UAP1: variants seen among roughly 807,000 people sequenced by gnomAD.
The protein encoded by UAP1 is UDP-N-acetylhexosamine pyrophosphorylase.
UAP1 carries 25 observed loss-of-function variants against 58.5 expected under a neutral mutation model. The ratio of observed to expected loss-of-function variants is 0.43; its 90% confidence interval spans 0.31 to 0.60. The LOEUF (loss-of-function observed/expected upper bound fraction) is 0.60. Among genes scored for constraint, UAP1 ranks in the 20% least tolerant of loss-of-function variants. The pLI is 0.11. For synonymous variants in UAP1, 208 were observed against 213.0 expected (o/e 0.98, Z 0.21); for missense variants, 575 against 630.0 (o/e 0.91, Z 0.93).
At chr1:162,574,225 TG>T (rs1293937620) in intron 2 of UAP1, among the ~76,000 whole-genome samples, 1 of 151,736 alleles carries the variant, frequency 6.6e-6, no homozygotes, top group Non-Finnish European at 1.5e-5. Flanking sequence ...CCTGAGCAGC[TG>T]GGATTACAGG....
chr1:162,572,349 G>T (rs970706842), intron 2 of UAP1, among the ~76,000 whole-genome samples: 39 of 152,212 alleles, frequency 2.6e-4, no homozygotes, highest in Admixed American at 2.4e-3. Context: ...CTAAGGAAGA[G>T]AAAAGTTTAT....
chr1:162,568,451 G>T (rs1653660501), intron 2 of UAP1, among the ~76,000 whole-genome samples: 1 of 152,190 alleles, frequency 6.6e-6, no homozygotes, highest in African/African-American at 2.4e-5. Flanking sequence ...CTGTGTGTTT[G>T]ATCTTTACAT....
intron 1 of UAP1, among the ~76,000 whole-genome samples, chr1:162,563,802 G>GAGCA (rs768659752): frequency 2.6e-5 from 4 of 152,040 alleles, no homozygotes; most frequent in Non-Finnish European, 4.4e-5. Flanking sequence ...TTATCAGACA[G>GAGCA]AGCACTCTTT....
intron 4 of UAP1, 141 bp downstream of exon 4, chr1:162,579,744 A>G: frequency 1.3e-6 from 1 of 757,784 alleles, no homozygotes; most frequent in Non-Finnish European, 1.9e-6. Flanking sequence ...AATGATTTAA[A>G]AAGATGAAAA....
chr1:162,589,170 T>TATA (rs1557977475), intron 7 of UAP1, among the ~76,000 whole-genome samples: 36 of 102,434 alleles, frequency 3.5e-4, no homozygotes, highest in African/African-American at 1.4e-3. Flanking sequence ...ATATAATATA[T>TATA]AAATATTATA....
chr1:162,592,986 G>T, intron 9 of UAP1: 1 of 557,974 alleles, frequency 1.8e-6, no homozygotes, highest in African/African-American at 1.9e-5. Context: ...TGGAAATGGA[G>T]AGCATGCTTT....
chr1:162,593,180 C>G (rs76120152), intron 9 of UAP1: 1 of 187,064 alleles, frequency 5.3e-6, no homozygotes, highest in East Asian at 1.4e-4. Flanking sequence ...TCTCAGTATA[C>G]AGGCTGATTG....
At chr1:162,570,580 A>G (rs1443159511) in intron 2 of UAP1, among the ~76,000 whole-genome samples, 1 of 152,096 alleles carries the variant, frequency 6.6e-6, no homozygotes, top group Non-Finnish European at 1.5e-5. Context: ...CTTACTAATC[A>G]CATGCCATTA....
chr1:162,589,169 A>G (rs1483567948), intron 7 of UAP1, among the ~76,000 whole-genome samples: 5 of 102,638 alleles, frequency 4.9e-5, no homozygotes, highest in Non-Finnish European at 7.3e-5. Flanking sequence ...TATATAATAT[A>G]TAAATATTAT....
intron 6 of UAP1, chr1:162,587,896 G>A: frequency 2.4e-6 from 1 of 423,714 alleles, no homozygotes; most frequent in Non-Finnish European, 4.2e-6. Flanking sequence ...GGAGGCCAAA[G>A]CATTTCTCCC....
At chr1:162,577,753 A>C (rs1397897827) in intron 3 of UAP1, among the ~76,000 whole-genome samples, 1 of 151,736 alleles carries the variant, frequency 6.6e-6, no homozygotes, top group Non-Finnish European at 1.5e-5. Flanking sequence ...CTGGCATTAC[A>C]GGCACACACC....
chr1:162,589,089 T>C (rs1396040998), intron 7 of UAP1, among the ~76,000 whole-genome samples: 2 of 126,796 alleles, frequency 1.6e-5, no homozygotes, highest in Admixed American at 1.0e-4. Context: ...TTTTTTCATA[T>C]GTATATTAAA....
intron 5 of UAP1, among the ~76,000 whole-genome samples, chr1:162,585,852 T>G (rs1237753199): frequency 6.6e-6 from 1 of 151,942 alleles, no homozygotes; most frequent in Non-Finnish European, 1.5e-5. Context: ...ATACCCACTG[T>G]AGGTAGAGTA....
chr1:162,588,858 G>T, intron 7 of UAP1, 25 bp downstream of exon 7: 1 of 1,575,990 alleles, frequency 6.3e-7, no homozygotes. Flanking sequence ...GTACCAATAA[G>T]GTTAAATAAA....
At chr1:162,598,358 C>T (rs1455172750) in intron 10 of UAP1, among the ~76,000 whole-genome samples, 1 of 152,218 alleles carries the variant, frequency 6.6e-6, no homozygotes, top group African/African-American at 2.4e-5. Context: ...AGTTGAGAAG[C>T]TGCATTTGTT....
At chr1:162,566,186 A>T (rs1438375647) in exon 2 of UAP1, 1 of 1,614,036 alleles carries the variant, frequency 6.2e-7, no homozygotes, top group Middle Eastern at 1.7e-4. Context: ...GCTCCAGGCC[A>T]TGAACTTTGA....
At chr1:162,597,841 A>G in exon 10 of UAP1, 1 of 1,613,100 alleles carries the variant, frequency 6.2e-7, no homozygotes, top group Non-Finnish European at 8.5e-7. Context: ...CTCTCCTCTT[A>G]TCTCCTATGC....
chr1:162,580,012 G>A (rs1288418849), intron 4 of UAP1, among the ~76,000 whole-genome samples: 2 of 151,974 alleles, frequency 1.3e-5, no homozygotes, highest in African/African-American at 4.8e-5. Context: ...TTACAGGCAC[G>A]CGCCACCATG....
intron 8 of UAP1, 92 bp downstream of exon 8, chr1:162,590,603 T>A: frequency 1.7e-6 from 2 of 1,155,838 alleles, no homozygotes; most frequent in Non-Finnish European, 1.2e-6. Flanking sequence ...TATTCCTAGA[T>A]CTTTTTTAAA....
Sources: allele counts gnomAD v4.1 joint callset (sites outside exome capture counted in the v4.1 genomes callset), GRCh38; gene constraint gnomAD v4.1.1; transcripts MANE v1.5; gene names NCBI Gene and HGNC (gene_info 2026-07-23, HGNC 2026-07-21).